The following CCDC172 variants were observed in gnomAD, a reference collection of about 807,000 sequenced individuals.
The protein encoded by CCDC172 is coiled-coil domain-containing protein 172.
A neutral mutation model predicts 38.0 loss-of-function variants in CCDC172; 30 were observed. The ratio of observed to expected loss-of-function variants is 0.79; its 90% CI spans 0.59 to 1.07. CCDC172 has a LOEUF of 1.07. Among genes scored for constraint, CCDC172 ranks in the 50% least tolerant of loss-of-function variants. The pLI is 0.00. For synonymous variants in CCDC172, 78 were observed against 88.3 expected, an observed-to-expected ratio of 0.88 and a Z score of 0.66; for missense variants, 297 against 290.1, an observed-to-expected ratio of 1.02 and a Z score of -0.17.
At chr10:116,375,257 G>T (rs1029312199) in intron 7 of CCDC172, among the ~76,000 whole-genome samples, 12 of 151,924 alleles carry the variant, frequency 7.9e-5, no homozygotes, top group African/African-American at 2.2e-4. Flanking sequence ...AGGGCTGTGG[G>T]TCTAAATTTT....
chr10:116,346,291 C>CAA (rs562182925), intron 5 of CCDC172, among the ~76,000 whole-genome samples: 1,258 of 79,868 alleles, frequency 0.016, 29 homozygotes, highest in African/African-American at 0.051. Flanking sequence ...GACTTCGTCT[C>CAA]AAAAAAAAAA....
chr10:116,365,792 C>T (rs34182007), intron 7 of CCDC172, among the ~76,000 whole-genome samples: 8,730 of 152,154 alleles, frequency 0.057, 348 homozygotes, highest in Non-Finnish European at 0.082. Flanking sequence ...TAAGACTGCA[C>T]TTTTTATTCC....
intron 5 of CCDC172, among the ~76,000 whole-genome samples, chr10:116,356,392 A>G (rs544746041): frequency 3.5e-3 from 523 of 150,800 alleles, no homozygotes; most frequent in Non-Finnish European, 6.3e-3. Flanking sequence ...GGGAGGGAGG[A>G]AGGAAGGAAG....
chr10:116,353,964 T>C (rs1844963075), intron 5 of CCDC172, among the ~76,000 whole-genome samples: 1 of 152,160 alleles, frequency 6.6e-6, no homozygotes, highest in Non-Finnish European at 1.5e-5. Flanking sequence ...AACCTAGAGT[T>C]ACCATATGAT....
chr10:116,324,884 T>A, intron 1 of CCDC172, 63 bp from the exon 2 acceptor site: 1 of 751,896 alleles, frequency 1.3e-6, no homozygotes, highest in Non-Finnish European at 2.2e-6. Context: ...CGACAGAGGG[T>A]TGGAGACAGG....
At chr10:116,356,388 G>GAGGGAGGAAGGA (rs1565719657) in intron 5 of CCDC172, among the ~76,000 whole-genome samples, 1 of 144,054 alleles carries the variant, frequency 6.9e-6, no homozygotes, top group Admixed American at 7.2e-5. Flanking sequence ...GGGAGGGAGG[G>GAGGGAGGAAGGA]AGGAAGGAAG....
chr10:116,348,974 A>T (rs1166086800), intron 5 of CCDC172, among the ~76,000 whole-genome samples: 2 of 152,076 alleles, frequency 1.3e-5, no homozygotes, highest in Non-Finnish European at 2.9e-5. Context: ...GCAAAGCTTC[A>T]TCTGTATTTA....
At chr10:116,329,947 A>G (rs1312482945) in intron 3 of CCDC172, among the ~76,000 whole-genome samples, 1 of 152,208 alleles carries the variant, frequency 6.6e-6, no homozygotes, top group Non-Finnish European at 1.5e-5. Flanking sequence ...TGGGTGGTAC[A>G]TCTAAAGTAC....
chr10:116,338,066 T>C (rs1439892707), intron 3 of CCDC172, among the ~76,000 whole-genome samples: 1 of 152,200 alleles, frequency 6.6e-6, no homozygotes, highest in Non-Finnish European at 1.5e-5. Context: ...AAGTTTTTGT[T>C]TCCTTAGTTC....
At chr10:116,369,407 CA>C (rs1223603574) in intron 7 of CCDC172, among the ~76,000 whole-genome samples, 2 of 151,738 alleles carry the variant, frequency 1.3e-5, no homozygotes, top group South Asian at 2.1e-4. Context: ...TTTCTTTTTC[CA>C]AAAATAGACA....
Position 116,379,366 on chromosome 10 carries a change from A to T in CCDC172, c.*8A>T. 1 of 1,570,248 alleles carries T rather than the reference A, an allele frequency of 6.4e-7. No homozygotes were observed. The highest frequency in any genetic ancestry group is 8.6e-7 in the Non-Finnish European group (1 of 1,156,232). ...CTTCAGGAAAGCAAATAACTTACAG[A>T]GAATTGATCAGCCATCTGAGATTTG... On this transcript the variant is annotated 3_prime_UTR_variant, in exon 9 of 9. Coordinates refer to ENST00000333254, the MANE Select transcript of CCDC172 (RefSeq NM_198515.3).
intron 2 of CCDC172, 92 bp downstream of exon 2, chr10:116,325,182 C>T: frequency 6.7e-7 from 1 of 1,491,168 alleles, no homozygotes; most frequent in Admixed American, 1.7e-5. Context: ...GTGGTCAGAG[C>T]CGTTAGGGGA....
intron 5 of CCDC172, among the ~76,000 whole-genome samples, chr10:116,355,083 G>C (rs1343871197): frequency 2.0e-5 from 3 of 152,194 alleles, no homozygotes; most frequent in Non-Finnish European, 4.4e-5. Flanking sequence ...TTTTAAAGTA[G>C]TGTAGCCTAA....
intron 5 of CCDC172, among the ~76,000 whole-genome samples, chr10:116,354,069 T>C (rs887111478): frequency 6.6e-6 from 1 of 152,208 alleles, no homozygotes; most frequent in African/African-American, 2.4e-5. Flanking sequence ...TTTCAGTCTA[T>C]GAAAGACCAT....
intron 7 of CCDC172, among the ~76,000 whole-genome samples, chr10:116,377,657 A>G (rs1050880380): frequency 3.9e-5 from 6 of 152,162 alleles, no homozygotes; most frequent in Non-Finnish European, 8.8e-5. Flanking sequence ...ATATATTTTA[A>G]TTATGTGTGT....
At chr10:116,340,177 A>ACTTAG in intron 3 of CCDC172, among the ~76,000 whole-genome samples, 1 of 151,948 alleles carries the variant, frequency 6.6e-6, no homozygotes, top group Admixed American at 6.6e-5. Context: ...ACTTAGAACC[A>ACTTAG]AATGAAGTAT....
chr10:116,375,855 A>T (rs1281884045), intron 7 of CCDC172, among the ~76,000 whole-genome samples: 2 of 152,320 alleles, frequency 1.3e-5, no homozygotes. Flanking sequence ...TAGAATGGTG[A>T]TCATTAAAAA....
chr10:116,350,291 G>A (rs1361608975), intron 5 of CCDC172, among the ~76,000 whole-genome samples: 1 of 152,196 alleles, frequency 6.6e-6, no homozygotes, highest in African/African-American at 2.4e-5. Context: ...CTAGAAGACA[G>A]TGGCTGTAAT....
intron 1 of CCDC172, 99 bp from the exon 2 acceptor site, chr10:116,324,848 C>A (rs1844569434): frequency 3.2e-6 from 2 of 627,436 alleles, no homozygotes; most frequent in Non-Finnish European, 5.6e-6. Flanking sequence ...CGTCTGGCGT[C>A]GGGCTCCATC....
Sources: gnomAD v4.1 joint callset for allele counts (sites outside exome capture counted in the v4.1 genomes callset) on GRCh38, gnomAD v4.1.1 for gene constraint, MANE v1.5 for transcripts, NCBI Gene and HGNC (gene_info 2026-07-23, HGNC 2026-07-21) for gene names.